The following CMSS1 variants were observed in gnomAD, a reference collection of about 807,000 sequenced individuals.
CMSS1 encodes protein CMSS1.
CMSS1 carries 33 observed loss-of-function variants against 43.5 expected under a neutral mutation model. The observed-to-expected ratio is 0.76, with a 90% confidence interval of 0.57 to 1.01. The LOEUF (loss-of-function observed/expected upper bound fraction) is 1.01. Ranked by LOEUF, CMSS1 falls within the 50% of genes least tolerant of loss-of-function variation. CMSS1 has a pLI of 0.00. For missense variants in CMSS1, 313 were observed against 326.4 expected, an observed-to-expected ratio of 0.96 and a Z score of 0.32; for synonymous variants, 115 against 117.2, an observed-to-expected ratio of 0.98 and a Z score of 0.12.
At chr3:99,983,436 ATATATGTATG>A (rs1709206660) in intron 1 of CMSS1, among the ~76,000 whole-genome samples, 3 of 69,302 alleles carry the variant, frequency 4.3e-5, no homozygotes, top group Admixed American at 3.9e-4. Context: ...ATGTATGTAT[ATATATGTATG>A]TATATATATA....
chr3:99,929,953 A>G (rs1707424215), intron 1 of CMSS1: 1 of 1,614,038 alleles, frequency 6.2e-7, no homozygotes, highest in Non-Finnish European at 8.5e-7. Context: ...TTTTGGAGTG[A>G]CAAACCCATA....
intron 8 of CMSS1, among the ~76,000 whole-genome samples, chr3:100,173,823 CA>C (rs2067128525): frequency 6.6e-6 from 1 of 152,188 alleles, no homozygotes; most frequent in African/African-American, 2.4e-5. Flanking sequence ...GTGATGGACT[CA>C]GACCTCCAGA....
intron 1 of CMSS1, among the ~76,000 whole-genome samples, chr3:100,141,227 G>A (rs1247474572): frequency 6.6e-6 from 1 of 152,192 alleles, no homozygotes; most frequent in Non-Finnish European, 1.5e-5. Context: ...AGTTAGCACA[G>A]GATGTCTAGT....
intron 1 of CMSS1, among the ~76,000 whole-genome samples, chr3:100,028,576 T>G (rs1049262388): frequency 6.6e-6 from 1 of 152,178 alleles, no homozygotes; most frequent in African/African-American, 2.4e-5. Context: ...TTTTTCATTA[T>G]TTTTTAAAAA....
In CMSS1 at chr3:100,164,467, T is replaced by A. The variant is rs143298627; in HGVS notation, c.356-1868T>A. Among the ~76,000 whole-genome samples, 680 of 152,322 alleles carry A rather than the reference T, an allele frequency of 4.5e-3. 2 individuals carry two copies. Among genetic ancestry groups the A allele is most frequent in the Non-Finnish European group, 6.2e-3 (421 of 68,030 alleles). On this transcript the variant is annotated intron_variant, in intron 4 of 9. Transcript: ENST00000421999. ...CCATAGTGAATTTGTTTGGTATTAT[T>A]GTTTTATTAGAGTTCAGTAATATAG...
chr3:100,169,652 C>T lies in CMSS1; in HGVS notation c.518+1812C>T, dbSNP rs192284068. Among the ~76,000 whole-genome samples the T allele has an allele frequency of 1.4e-3, 216 of 152,310 alleles. 2 individuals carry two copies. The highest frequency in any genetic ancestry group is 1.1e-3 in the Non-Finnish European group (77 of 68,042). On this transcript the variant is annotated intron_variant, in intron 6 of 9. Coordinates refer to ENST00000421999, the MANE Select transcript of CMSS1 (RefSeq NM_032359.4). The stretch of plus-strand genomic sequence containing the variant: ...ATTATGCACACACATTAAATTGTAG[C>T]ATATAATCTCCCAGTGAAACACTTG...
chr3:99,878,595 A>G (rs1705618137), intron 1 of CMSS1, among the ~76,000 whole-genome samples: 1 of 152,238 alleles, frequency 6.6e-6, no homozygotes, highest in African/African-American at 2.4e-5. Context: ...TTTATTTTCT[A>G]GACTGAATCT....
intron 1 of CMSS1, among the ~76,000 whole-genome samples, chr3:99,832,858 G>C (rs1039846669): frequency 9.0e-6 from 1 of 111,502 alleles, no homozygotes; most frequent in Admixed American, 8.5e-5. Context: ...AAAAAAAAAA[G>C]TTGTTTTTTT....
chr3:100,037,452 A>T (rs185293125), intron 1 of CMSS1, among the ~76,000 whole-genome samples: 1 of 149,764 alleles, frequency 6.7e-6, no homozygotes, highest in Non-Finnish European at 1.5e-5. Flanking sequence ...AAGCAAACAG[A>T]CACACACACA....
At chr3:100,118,958 T>C (rs2066598061) in intron 1 of CMSS1, among the ~76,000 whole-genome samples, 1 of 152,182 alleles carries the variant, frequency 6.6e-6, no homozygotes, top group African/African-American at 2.4e-5. Context: ...ACATTCCTAA[T>C]CTTTTGGTGG....
chr3:99,817,928 G>C lies in CMSS1; in HGVS notation c.-52G>C, dbSNP rs1208890024. Reference sequence around the variant, plus strand: ...TGGCTTTGAGACAACGTGATTCTCCGCAGCTGGTCGCCTACCCGTGATGTT... The same window carrying C: ...TGGCTTTGAGACAACGTGATTCTCCCCAGCTGGTCGCCTACCCGTGATGTT... On this transcript the variant is annotated 5_prime_UTR_variant, in exon 1 of 10. Transcript: ENST00000421999. 3 of 1,585,856 alleles carry C rather than the reference G, an allele frequency of 1.9e-6. No individual in the cohort carries two copies. In the East Asian group the frequency reaches 6.7e-5, roughly 35 times the overall value.
At chr3:100,023,357 C>T (rs528851638) in intron 1 of CMSS1, 6 of 152,720 alleles carry the variant, frequency 3.9e-5, no homozygotes, top group African/African-American at 1.4e-4. Flanking sequence ...GAAAGTCAAA[C>T]ATGGATGGCA....
chr3:100,096,034 T>C (rs774081116), intron 1 of CMSS1, among the ~76,000 whole-genome samples: 3 of 152,134 alleles, frequency 2.0e-5, no homozygotes, highest in Non-Finnish European at 2.9e-5. Context: ...CTCAAAATCA[T>C]TGATCATCAG....
intron 1 of CMSS1, among the ~76,000 whole-genome samples, chr3:99,875,031 A>T (rs1705439634): frequency 6.6e-6 from 1 of 152,234 alleles, no homozygotes; most frequent in African/African-American, 2.4e-5. Context: ...CTGTTTTAAA[A>T]GGGACAATTC....
intron 1 of CMSS1, among the ~76,000 whole-genome samples, chr3:99,872,322 T>TGTGA (rs1491147270): frequency 5.0e-5 from 7 of 141,114 alleles, no homozygotes; most frequent in Non-Finnish European, 7.7e-5. Flanking sequence ...TGTGTGTGTG[T>TGTGA]GACTGTGGGG....
At chr3:100,139,529 A>ATGTGTGTGTGTGTG (rs201315535) in intron 1 of CMSS1, among the ~76,000 whole-genome samples, 1 of 129,356 alleles carries the variant, frequency 7.7e-6, no homozygotes, top group East Asian at 2.3e-4. Flanking sequence ...TAAAAAAAAA[A>ATGTGTGTGTGTGTG]TGTGTGTGTG....
In CMSS1 at chr3:100,178,657, G is replaced by C; in HGVS notation, c.*269G>C. On this transcript the variant is annotated 3_prime_UTR_variant, in exon 10 of 10. Coordinates refer to ENST00000421999, the MANE Select transcript of CMSS1 (RefSeq NM_032359.4). ...TCACCAACTGGCTTCTGATGTAACT[G>C]TGCAGGAGAAAGGAAAGAGCAGCTG... 3.2e-6 allele frequency: 1 copy of C among 312,028 alleles called. No individual in the cohort carries two copies. The highest frequency in any genetic ancestry group is 5.0e-5 in the South Asian group (1 of 19,978). 19.3% of individuals were successfully genotyped at this position (312,028 alleles called of 1,614,324 possible).
At chr3:100,117,790 A>T (rs2066583357) in intron 1 of CMSS1, among the ~76,000 whole-genome samples, 1 of 144,206 alleles carries the variant, frequency 6.9e-6, no homozygotes, top group African/African-American at 2.6e-5. Context: ...AGGTGGAAAC[A>T]ACCCAAATGT....
intron 1 of CMSS1, among the ~76,000 whole-genome samples, chr3:99,999,763 T>G (rs1709789012): frequency 6.6e-6 from 1 of 152,196 alleles, no homozygotes; most frequent in Non-Finnish European, 1.5e-5. Flanking sequence ...TCTTGCTCAA[T>G]GGCAAGGGGA....
Sources: gnomAD v4.1 joint callset for allele counts (sites outside exome capture counted in the v4.1 genomes callset) on GRCh38, gnomAD v4.1.1 for gene constraint, MANE v1.5 for transcripts, NCBI Gene and HGNC (gene_info 2026-07-23, HGNC 2026-07-21) for gene names.